The following SPAG16 variants were observed in gnomAD, a reference collection of about 807,000 sequenced individuals.
The protein encoded by SPAG16 is sperm associated antigen 16.
Under a neutral mutation model 80.4 loss-of-function variants are expected in SPAG16, and 86 were observed. That is an observed-to-expected ratio of 1.07 (90% confidence interval 0.90 to 1.28). The LOEUF is 1.28. SPAG16 is among the 50% of genes most tolerant of loss of function. SPAG16 has a pLI of 0.00. For synonymous variants in SPAG16, 294 were observed against 265.9 expected (o/e 1.11, Z -1.03); for missense variants, 870 against 765.3 (o/e 1.14, Z -1.61).
chr2:213,545,301 A>G (rs2076577157), intron 10 of SPAG16, among the ~76,000 whole-genome samples: 1 of 152,226 alleles, frequency 6.6e-6, no homozygotes, highest in South Asian at 2.1e-4. Flanking sequence ...CCATTTTAAA[A>G]TCAAGTTGTT....
intron 9 of SPAG16, among the ~76,000 whole-genome samples, chr2:213,428,418 T>G (rs1313861083): frequency 6.6e-6 from 1 of 152,150 alleles, no homozygotes; most frequent in African/African-American, 2.4e-5. Context: ...TGGGACCTGA[T>G]AGAAAAATGT....
At chr2:213,730,204 A>G (rs1288520401) in intron 10 of SPAG16, among the ~76,000 whole-genome samples, 3 of 152,210 alleles carry the variant, frequency 2.0e-5, no homozygotes, top group South Asian at 2.1e-4. Context: ...CATTGAGTCA[A>G]TCTCACTCAT....
At chr2:213,615,551 A>G (rs1053432509) in intron 10 of SPAG16, among the ~76,000 whole-genome samples, 2 of 152,226 alleles carry the variant, frequency 1.3e-5, no homozygotes, top group Admixed American at 1.3e-4. Context: ...AGATCATGCC[A>G]CTGCACTCCA....
intron 10 of SPAG16, among the ~76,000 whole-genome samples, chr2:213,620,684 TACTC>T (rs772674230): frequency 5.3e-5 from 8 of 152,180 alleles, no homozygotes; most frequent in Admixed American, 5.2e-4. Flanking sequence ...ATATGCTAAT[TACTC>T]TGATTTGATC....
intron 15 of SPAG16, among the ~76,000 whole-genome samples, chr2:214,195,294 G>A (rs980816072): frequency 1.8e-4 from 6 of 33,454 alleles, no homozygotes; most frequent in African/African-American, 7.4e-4. Context: ...CACACAGATA[G>A]ATGAGAGATG....
chr2:213,698,492 G>A (rs966812266), intron 10 of SPAG16, among the ~76,000 whole-genome samples: 1 of 152,116 alleles, frequency 6.6e-6, no homozygotes, highest in Non-Finnish European at 1.5e-5. Flanking sequence ...AAACTCCTGG[G>A]TTCAAGCAAT....
intron 9 of SPAG16, among the ~76,000 whole-genome samples, chr2:213,376,460 A>G (rs1023098227): frequency 2.0e-5 from 3 of 152,082 alleles, no homozygotes; most frequent in African/African-American, 7.2e-5. Flanking sequence ...ACAGCATGGT[A>G]GAAAACATAG....
chr2:213,418,845 T>C (rs893402440), intron 9 of SPAG16, among the ~76,000 whole-genome samples: 10 of 152,202 alleles, frequency 6.6e-5, no homozygotes, highest in Admixed American at 6.5e-4. Context: ...AGGCAGCTGA[T>C]CATTGCTCTG....
chr2:214,017,423 T>C (rs2047646661), intron 13 of SPAG16, among the ~76,000 whole-genome samples: 1 of 152,164 alleles, frequency 6.6e-6, no homozygotes, highest in African/African-American at 2.4e-5. Flanking sequence ...TGACCTAAAT[T>C]CTATTGACTT....
chr2:213,819,314 T>A (rs958805041), intron 10 of SPAG16, among the ~76,000 whole-genome samples: 2 of 152,222 alleles, frequency 1.3e-5, no homozygotes, highest in Admixed American at 1.3e-4. Flanking sequence ...ATGAAAAACG[T>A]TTGGAAGTTT....
chr2:214,228,645 C>T (rs181400633), intron 15 of SPAG16, among the ~76,000 whole-genome samples: 13 of 151,918 alleles, frequency 8.6e-5, no homozygotes, highest in Admixed American at 6.6e-4. Flanking sequence ...ACTTCTGAAT[C>T]AGAAAGTCTG....
chr2:214,255,888 G>C (rs997882034), intron 15 of SPAG16, among the ~76,000 whole-genome samples: 3 of 151,690 alleles, frequency 2.0e-5, no homozygotes, highest in Non-Finnish European at 2.9e-5. Flanking sequence ...AGGTGTTTTT[G>C]GTTTTCAGAT....
intron 10 of SPAG16, among the ~76,000 whole-genome samples, chr2:213,509,862 A>T (rs2075153251): frequency 6.6e-6 from 1 of 152,236 alleles, no homozygotes. Context: ...CCCTTCAAAA[A>T]TTAATGAATC....
intron 9 of SPAG16, among the ~76,000 whole-genome samples, chr2:213,390,123 A>G (rs1312116346): frequency 6.6e-6 from 1 of 152,206 alleles, no homozygotes; most frequent in Non-Finnish European, 1.5e-5. Context: ...AAGTGAAATA[A>G]ACCAATAACA....
intron 9 of SPAG16, among the ~76,000 whole-genome samples, chr2:213,431,729 T>C (rs2070313232): frequency 6.6e-6 from 1 of 152,074 alleles, no homozygotes. Flanking sequence ...TGGACTTCAA[T>C]GAAACTTTAG....
intron 10 of SPAG16, among the ~76,000 whole-genome samples, chr2:213,826,334 AG>A (rs1041750025): frequency 6.6e-6 from 1 of 151,288 alleles, no homozygotes; most frequent in African/African-American, 2.4e-5. Context: ...ATACATCATG[AG>A]GTTGTTTATG....
intron 11 of SPAG16, among the ~76,000 whole-genome samples, chr2:213,869,574 T>C (rs1288758958): frequency 1.3e-5 from 2 of 151,566 alleles, no homozygotes; most frequent in East Asian, 3.9e-4. Flanking sequence ...ATTATGCTTC[T>C]GTTCTTAATA....
At chr2:213,616,031 C>T (rs141975028) in intron 10 of SPAG16, among the ~76,000 whole-genome samples, 65 of 152,246 alleles carry the variant, frequency 4.3e-4, no homozygotes, top group Middle Eastern at 3.4e-3. Flanking sequence ...GCATGTTCTG[C>T]ACATGTATCC....
chr2:213,386,196 C>G (rs1057357908), intron 9 of SPAG16, among the ~76,000 whole-genome samples: 1 of 151,998 alleles, frequency 6.6e-6, no homozygotes, highest in Non-Finnish European at 1.5e-5. Context: ...TGCCTTTTTT[C>G]CATATTATTT....
Sources: allele counts gnomAD v4.1 joint callset (sites outside exome capture counted in the v4.1 genomes callset), GRCh38; gene constraint gnomAD v4.1.1; transcripts MANE v1.5; gene names NCBI Gene and HGNC (gene_info 2026-07-23, HGNC 2026-07-21).